The following KLHL15 variants were observed in gnomAD, a reference collection of about 807,000 sequenced individuals.
KLHL15 encodes kelch-like protein 15.
A neutral mutation model predicts 29.3 loss-of-function variants in KLHL15; 1 was observed. That is an observed-to-expected ratio of 0.03 (90% CI 0.01 to 0.16). KLHL15 has a LOEUF of 0.16. Among genes scored for constraint, KLHL15 ranks in the 10% least tolerant of loss-of-function variants. The pLI is 1.00. For synonymous variants in KLHL15, 212 were observed against 184.5 expected, an observed-to-expected ratio of 1.15 and a Z score of -1.21; for missense variants, 215 against 478.5, an observed-to-expected ratio of 0.45 and a Z score of 5.14.
intron 3 of KLHL15, among the ~76,000 whole-genome samples, chrX:24,001,802 C>CAAAAAA (rs766669649): frequency 1.7e-3 from 38 of 22,565 alleles, no homozygotes; most frequent in Non-Finnish European, 2.1e-3. Context: ...AGACTTGACT[C>CAAAAAA]AAAAAAAAAA....
intron 2 of KLHL15, among the ~76,000 whole-genome samples, chrX:24,020,375 T>C (rs1929778877): frequency 1.8e-5 from 2 of 112,222 alleles, no homozygotes; most frequent in African/African-American, 6.5e-5. Flanking sequence ...CACTTTAATA[T>C]GGGAGGAGAC....
rs1377565681 is a variant in KLHL15, at chrX:23,988,434, G to A, written c.1302C>T (p.Ile434=). ...CTTGCTTGGAGGTGGAAGATGAGGT[G>A]ATTCCACCGGTGATAAACAATTTGT... ...LNNKLFITGG[I]TSSSTSKQVC... is the part of the protein sequence containing the mutation. The change falls in exon 4 of 4, where the codon ATC becomes ATT. Residue 434 remains isoleucine, a synonymous_variant. Transcript: ENST00000328046. The A allele has an allele frequency of 8.3e-7, 1 of 1,209,879 alleles. No homozygotes were observed. The highest frequency in any genetic ancestry group is 1.1e-6 in the Non-Finnish European group (1 of 895,113).
intron 3 of KLHL15, among the ~76,000 whole-genome samples, chrX:23,993,686 A>G (rs1421024349): frequency 3.6e-5 from 4 of 109,877 alleles, no homozygotes; most frequent in Non-Finnish European, 7.6e-5. Context: ...AATATGAACT[A>G]AAGTGATATG....
chrX:23,992,004 A>G (rs1316473644), intron 3 of KLHL15, among the ~76,000 whole-genome samples: 1 of 112,220 alleles, frequency 8.9e-6, no homozygotes, highest in African/African-American at 3.2e-5. Flanking sequence ...AATCAGCAAG[A>G]ATCATAAACC....
At chrX:23,997,933 A>G (rs1378886946) in intron 3 of KLHL15, among the ~76,000 whole-genome samples, 1 of 108,240 alleles carries the variant, frequency 9.2e-6, no homozygotes, top group Non-Finnish European at 1.9e-5. Context: ...CTACCAAAAA[A>G]ACAAACAAAA....
At chrX:24,008,781 G>A (rs1602010244) in intron 2 of KLHL15, among the ~76,000 whole-genome samples, 1 of 104,019 alleles carries the variant, frequency 9.6e-6, no homozygotes, top group Non-Finnish European at 1.9e-5. Flanking sequence ...TTCCCTCCTC[G>A]ACCTGATTTA....
intron 3 of KLHL15, among the ~76,000 whole-genome samples, chrX:24,004,619 T>C (rs1204299701): frequency 1.8e-5 from 2 of 108,303 alleles, no homozygotes; most frequent in East Asian, 3.0e-4. Flanking sequence ...GATGAAACCC[T>C]GTCTCTACTA....
chrX:24,019,623 A>T (rs1441850077), intron 2 of KLHL15, among the ~76,000 whole-genome samples: 2 of 107,572 alleles, frequency 1.9e-5, no homozygotes, highest in African/African-American at 7.0e-5. Flanking sequence ...AGAACAACTG[A>T]AAGTGTAAGA....
In KLHL15 at chrX:23,985,824, T is replaced by C. The variant is rs1928975201; in HGVS notation, c.*2097A>G. On this transcript the variant is annotated 3_prime_UTR_variant, in exon 4 of 4. Coordinates refer to ENST00000328046, the MANE Select transcript of KLHL15 (RefSeq NM_030624.3). The stretch of plus-strand genomic sequence containing the variant: ...CAAAAGACATCAATGAGGAAAATAA[T>C]GAAGACGTTATTTTCTTTAAAGCAA... The C allele has an allele frequency of 8.9e-6, 1 of 112,177 alleles. No individual in the cohort carries two copies. The highest frequency in any genetic ancestry group is 1.9e-5 in the Non-Finnish European group (1 of 53,192). 9.2% of individuals were successfully genotyped at this position (112,177 alleles called of 1,213,427 possible). A position where few individuals can be genotyped will look rare whatever the true frequency, so the allele number is the denominator to read the frequency against.
At chrX:23,998,259 C>A (rs956205798) in intron 3 of KLHL15, among the ~76,000 whole-genome samples, 19 of 105,509 alleles carry the variant, frequency 1.8e-4, no homozygotes, top group African/African-American at 6.0e-4. Context: ...CCGTGCCCAG[C>A]AATTTTTGTG....
Position 23,986,695 on chromosome X carries a change from T to A in KLHL15, c.*1226A>T, listed in dbSNP as rs1411465492. 1.8e-5 allele frequency: 2 copies of A among 112,364 alleles called. No homozygotes were observed. The highest frequency in any genetic ancestry group is 1.9e-4 in the Admixed American group (2 of 10,521). 9.3% of individuals were successfully genotyped at this position (112,364 alleles called of 1,213,427 possible). A position where few individuals can be genotyped will look rare whatever the true frequency, so the allele number is the denominator to read the frequency against. Reference sequence around the variant, plus strand: ...TTACATCCCTAGTGTCGCTGGGTATTTTGTACAAAATAAACAAGTAGATAA... The same window carrying A: ...TTACATCCCTAGTGTCGCTGGGTATATTGTACAAAATAAACAAGTAGATAA... On this transcript the variant is annotated 3_prime_UTR_variant, in exon 4 of 4. Transcript: ENST00000328046.
rs1339093488 is a variant in KLHL15, at chrX:23,986,019, A to C, written c.*1902T>G. 8.9e-6 allele frequency: 1 copy of C among 111,752 alleles called. No individual in the cohort carries two copies. The highest frequency in any genetic ancestry group is 1.9e-5 in the Non-Finnish European group (1 of 53,100). 9.2% of individuals were successfully genotyped at this position (111,752 alleles called of 1,213,427 possible). A position where few individuals can be genotyped will look rare whatever the true frequency, so the allele number is the denominator to read the frequency against. ...ATTTCATGTTTGGAAACTGTAAGTA[A>C]ATGACAGGACTAGTTAATGAAAATA... On this transcript the variant is annotated 3_prime_UTR_variant, in exon 4 of 4. Transcript: ENST00000328046.
intron 3 of KLHL15, among the ~76,000 whole-genome samples, chrX:24,003,673 G>GTA (rs1329436005): frequency 1.9e-5 from 2 of 108,055 alleles, no homozygotes; most frequent in Non-Finnish European, 3.8e-5. Flanking sequence ...GTGTGTGTGT[G>GTA]TGTGTGCTCG....
At chrX:23,999,331 C>T (rs1373875530) in intron 3 of KLHL15, among the ~76,000 whole-genome samples, 2 of 109,115 alleles carry the variant, frequency 1.8e-5, no homozygotes, top group Admixed American at 9.8e-5. Context: ...CGCGGTGGCT[C>T]ATGCCTGTAA....
chrX:24,017,922 G>A (rs746754626), intron 2 of KLHL15, among the ~76,000 whole-genome samples: 4 of 110,965 alleles, frequency 3.6e-5, no homozygotes, highest in Admixed American at 9.7e-5. Flanking sequence ...GGGCAATGTG[G>A]CCAGACCTCT....
Position 23,984,960 on chromosome X carries a change from G to A in KLHL15, c.*2961C>T, listed in dbSNP as rs1479089566. The A allele has an allele frequency of 8.9e-6, 1 of 112,270 alleles. No homozygotes were observed. The highest frequency in any genetic ancestry group is 1.9e-5 in the Non-Finnish European group (1 of 53,229). The allele number at this position is 112,270 out of a possible 1,213,427, so 9.3% of individuals were successfully genotyped here. On this transcript the variant is annotated 3_prime_UTR_variant, in exon 4 of 4. Coordinates refer to ENST00000328046, the MANE Select transcript of KLHL15 (RefSeq NM_030624.3). ...GACACAGAAAGCTGTCTCAAGAAAA[G>A]CTAATAATTCTATTAGTTAAGCTTT...
At chrX:24,004,968 T>C (rs1040706621) in intron 3 of KLHL15, among the ~76,000 whole-genome samples, 5 of 111,296 alleles carry the variant, frequency 4.5e-5, no homozygotes, top group Non-Finnish European at 9.4e-5. Context: ...CAAATGGGTT[T>C]ATTTTTCAAA....
chrX:24,009,422 C>T (rs957333172), intron 2 of KLHL15, among the ~76,000 whole-genome samples: 19 of 110,559 alleles, frequency 1.7e-4, no homozygotes, highest in Non-Finnish European at 2.5e-4. Context: ...CACTTGAACC[C>T]GGGAGGCGGA....
chrX:23,992,539 C>T (rs1229776521), intron 3 of KLHL15, among the ~76,000 whole-genome samples: 1 of 111,643 alleles, frequency 9.0e-6, no homozygotes, highest in Non-Finnish European at 1.9e-5. Context: ...GAGAAAGAAG[C>T]CATGTTGTTT....
Sources: gnomAD v4.1 joint callset for allele counts (sites outside exome capture counted in the v4.1 genomes callset) on GRCh38, gnomAD v4.1.1 for gene constraint, MANE v1.5 for transcripts, NCBI Gene and HGNC (gene_info 2026-07-23, HGNC 2026-07-21) for gene names.